The following CLVS2 variants were observed in gnomAD, a reference collection of about 807,000 sequenced individuals.
CLVS2 encodes clavesin 2.
CLVS2 carries 19 observed loss-of-function variants against 29.0 expected under a neutral mutation model. That is an observed-to-expected ratio of 0.66 (90% CI 0.46 to 0.96). CLVS2 has a LOEUF of 0.96. Among genes scored for constraint, CLVS2 ranks in the 40% least tolerant of loss-of-function variants. The pLI is 0.00. For synonymous variants in CLVS2, 161 were observed against 151.3 expected (o/e 1.06, Z -0.47); for missense variants, 294 against 404.1 (o/e 0.73, Z 2.34).
intron 4 of CLVS2, among the ~76,000 whole-genome samples, chr6:123,051,725 A>G (rs1255331334): frequency 2.0e-5 from 3 of 152,168 alleles, no homozygotes. Context: ...CTTTAATAGC[A>G]CAGTGTAGAA....
rs1774511377 is a variant in CLVS2, at chr6:122,996,582, G to A, written c.-724G>A. 3.3e-5 allele frequency: 5 copies of A among 153,266 alleles called. No individual in the cohort carries two copies. The highest frequency in any genetic ancestry group is 2.6e-4 in the Admixed American group (4 of 15,284). The allele number at this position is 153,266 out of a possible 1,614,324, so 9.5% of individuals were successfully genotyped here. On this transcript the variant is annotated 5_prime_UTR_variant, in exon 1 of 6. Coordinates refer to ENST00000275162, the MANE Select transcript of CLVS2 (RefSeq NM_001010852.4). ...ACGATGTGGCCGCGGCTGCTCCCGAGCGCATCTTCGGCCCGGGTCCCCGCC... is the reference window on the plus strand; with the variant it reads ...ACGATGTGGCCGCGGCTGCTCCCGAACGCATCTTCGGCCCGGGTCCCCGCC...
rs199655243 is a variant in CLVS2, at chr6:123,002,631, G to T, written c.389+4465G>T. ...AAATAAAATAAAATGAACAGGAATA[G>T]ATTAAAACAGTCCAGGGCAATTATC... On this transcript the variant is annotated intron_variant, in intron 2 of 5. Coordinates refer to ENST00000275162, the MANE Select transcript of CLVS2 (RefSeq NM_001010852.4). Among the ~76,000 whole-genome samples, 22 of 85,938 alleles carry T rather than the reference G, an allele frequency of 2.6e-4. No homozygotes were observed. In the East Asian group the frequency reaches 0.012, roughly 49 times the overall value. The allele number at this position is 85,938 out of a possible 152,430, so 56.4% of individuals were successfully genotyped here. A position where few individuals can be genotyped will look rare whatever the true frequency, so the allele number is the denominator to read the frequency against.
At chr6:123,005,945 T>C (rs1291234496) in intron 2 of CLVS2, among the ~76,000 whole-genome samples, 1 of 152,238 alleles carries the variant, frequency 6.6e-6, no homozygotes, top group East Asian at 1.9e-4. Flanking sequence ...AATAGTTTGA[T>C]TTTAACATAT....
chr6:123,033,119 C>G (rs1187357826), intron 3 of CLVS2, among the ~76,000 whole-genome samples: 1 of 151,846 alleles, frequency 6.6e-6, no homozygotes, highest in Non-Finnish European at 1.5e-5. Context: ...ACATTTCACA[C>G]TAATATTATT....
At chr6:123,063,484 C>G (rs1582668061) in intron 5 of CLVS2, among the ~76,000 whole-genome samples, 190 bp from the exon 6 acceptor site, 1 of 151,936 alleles carries the variant, frequency 6.6e-6, no homozygotes, top group Admixed American at 6.6e-5. Context: ...GGATTTTTTT[C>G]CTCACTCCAG....
intron 3 of CLVS2, among the ~76,000 whole-genome samples, chr6:123,027,607 A>G (rs1281044741): frequency 6.6e-6 from 1 of 152,036 alleles, no homozygotes; most frequent in Non-Finnish European, 1.5e-5. Flanking sequence ...TGAAAGCATG[A>G]TCTCTCTCAC....
At chr6:123,007,496 G>A (rs1417626316) in intron 2 of CLVS2, among the ~76,000 whole-genome samples, 4 of 152,164 alleles carry the variant, frequency 2.6e-5, no homozygotes, top group African/African-American at 4.8e-5. Context: ...ATATCCTACT[G>A]TGCAAGGAAG....
chr6:123,048,471 C>T lies in CLVS2; in HGVS notation c.565-151C>T, dbSNP rs1224058439. The T allele has an allele frequency of 5.0e-5, 28 of 559,848 alleles. No individual in the cohort carries two copies. In the Admixed American group the frequency reaches 7.0e-4, roughly 14 times the overall value. The allele number at this position is 559,848 out of a possible 1,614,324, so 34.7% of individuals were successfully genotyped here. A position where few individuals can be genotyped will look rare whatever the true frequency, so the allele number is the denominator to read the frequency against. Reference sequence around the variant, plus strand: ...ACTGTATGAAAAGTACAATGTTTAACGTGGTAAGGTTCTTCTTTTCTCTCC... The same window carrying T: ...ACTGTATGAAAAGTACAATGTTTAATGTGGTAAGGTTCTTCTTTTCTCTCC... On this transcript the variant is annotated intron_variant, in intron 3 of 5. Transcript: ENST00000275162.
chr6:123,052,487 C>G (rs1213198290), intron 4 of CLVS2, among the ~76,000 whole-genome samples: 2 of 152,146 alleles, frequency 1.3e-5, no homozygotes, highest in East Asian at 3.8e-4. Flanking sequence ...TTGACATGGT[C>G]ATTCTGGCTG....
At chr6:122,998,845 T>G (rs964413284) in intron 2 of CLVS2, among the ~76,000 whole-genome samples, 3 of 152,240 alleles carry the variant, frequency 2.0e-5, no homozygotes, top group African/African-American at 7.2e-5. Context: ...GTCTCCTGTC[T>G]CATGTGATTT....
At position 123,066,681 on chromosome 6, in the gene CLVS2, G is replaced by C. The variant is rs1229380095; in HGVS notation, c.*2920G>C. 4.0e-5 allele frequency: 6 copies of C among 151,652 alleles called. No homozygotes were observed. Among genetic ancestry groups the C allele is most frequent in the Non-Finnish European group, 8.9e-5 (6 of 67,748 alleles). 9.4% of individuals were successfully genotyped at this position (151,652 alleles called of 1,614,324 possible). ...CTGCATTTTTGACTACTATTTAAGAGGGAAGAGATTATCATGAAAATATAC... is the reference window on the plus strand; with the variant it reads ...CTGCATTTTTGACTACTATTTAAGACGGAAGAGATTATCATGAAAATATAC... On this transcript the variant is annotated 3_prime_UTR_variant, in exon 6 of 6. Coordinates refer to ENST00000275162, the MANE Select transcript of CLVS2 (RefSeq NM_001010852.4).
At chr6:123,008,378 G>A (rs189080948) in intron 2 of CLVS2, among the ~76,000 whole-genome samples, 3 of 152,104 alleles carry the variant, frequency 2.0e-5, no homozygotes, top group Non-Finnish European at 2.9e-5. Flanking sequence ...GTGTATCAAC[G>A]TTTATCTTGA....
intron 3 of CLVS2, among the ~76,000 whole-genome samples, chr6:123,025,056 A>G (rs1774981687): frequency 6.6e-6 from 1 of 152,164 alleles, no homozygotes; most frequent in African/African-American, 2.4e-5. Context: ...ATCCCCATGA[A>G]GAAAGACCCT....
intron 3 of CLVS2, among the ~76,000 whole-genome samples, chr6:123,025,516 G>C (rs1447013714): frequency 6.6e-6 from 1 of 152,060 alleles, no homozygotes; most frequent in Non-Finnish European, 1.5e-5. Context: ...TGGTATAAAG[G>C]GTGAACTGTA....
At chr6:123,043,931 A>G (rs1166695662) in intron 3 of CLVS2, among the ~76,000 whole-genome samples, 1 of 152,178 alleles carries the variant, frequency 6.6e-6, no homozygotes, top group Non-Finnish European at 1.5e-5. Flanking sequence ...TGTTTTTGCT[A>G]GAAATATATG....
At chr6:123,056,654 G>T (rs969300477) in intron 5 of CLVS2, among the ~76,000 whole-genome samples, 2 of 152,162 alleles carry the variant, frequency 1.3e-5, no homozygotes, top group African/African-American at 4.8e-5. Flanking sequence ...AGAAACCAAA[G>T]GTTTTGAGGG....
chr6:123,016,020 A>ACT (rs1474938697), intron 3 of CLVS2, among the ~76,000 whole-genome samples: 3 of 69,442 alleles, frequency 4.3e-5, no homozygotes, highest in African/African-American at 1.6e-4. Flanking sequence ...ACAACATCAG[A>ACT]CTTTTTTTTT....
At position 123,067,751 on chromosome 6, in the gene CLVS2, A is replaced by T. The variant is rs560430377; in HGVS notation, c.*3990A>T. 6.6e-6 allele frequency: 1 copy of T among 151,958 alleles called. No homozygotes were observed. Among genetic ancestry groups the T allele is most frequent in the South Asian group, 2.1e-4 (1 of 4,834 alleles). 9.4% of individuals were successfully genotyped at this position (151,958 alleles called of 1,614,324 possible). A position where few individuals can be genotyped will look rare whatever the true frequency, so the allele number is the denominator to read the frequency against. ...TGAAATTTGTGAGGTCACTGATCATACAAGAAGAGGCAGATTATAAACCAA... is the reference window on the plus strand; with the variant it reads ...TGAAATTTGTGAGGTCACTGATCATTCAAGAAGAGGCAGATTATAAACCAA... On this transcript the variant is annotated 3_prime_UTR_variant, in exon 6 of 6. Transcript: ENST00000275162.
chr6:123,032,739 A>C (rs1392283765), intron 3 of CLVS2, among the ~76,000 whole-genome samples: 4 of 152,102 alleles, frequency 2.6e-5, no homozygotes, highest in Non-Finnish European at 5.9e-5. Flanking sequence ...CAGTGAATAC[A>C]AAAATTATAG....
Sources: allele counts gnomAD v4.1 joint callset (sites outside exome capture counted in the v4.1 genomes callset), GRCh38; gene constraint gnomAD v4.1.1; transcripts MANE v1.5; gene names NCBI Gene and HGNC (gene_info 2026-07-23, HGNC 2026-07-21).